Variants in RERE observed in about 807,000 individuals in gnomAD.
RERE encodes the protein arginine-glutamic acid dipeptide repeats protein.
RERE carries 40 observed loss-of-function variants against 146.1 expected under a neutral mutation model. That is an observed-to-expected ratio of 0.27 (90% CI 0.21 to 0.36). The LOEUF (loss-of-function observed/expected upper bound fraction) is 0.36, where lower values mean the gene tolerates loss of function less well. Ranked by LOEUF, RERE falls within the 10% of genes least tolerant of loss-of-function variation. The pLI, the probability that RERE is intolerant of heterozygous loss-of-function variation, is 1.00. For synonymous variants in RERE, 1,003 were observed against 866.0 expected (o/e 1.16, Z -2.78); for missense variants, 1,933 against 2,138.7 (o/e 0.90, Z 1.90).
At chr1:8,379,715 G>A (rs1642379247) in intron 12 of RERE, among the ~76,000 whole-genome samples, 1 of 152,168 alleles carries the variant, frequency 6.6e-6, no homozygotes, top group African/African-American at 2.4e-5. Context: ...GGCACGCGGG[G>A]GTCACTGTCT....
At chr1:8,639,958 T>A (rs994171125) in intron 2 of RERE, among the ~76,000 whole-genome samples, 2 of 152,050 alleles carry the variant, frequency 1.3e-5, no homozygotes, top group African/African-American at 4.8e-5. Flanking sequence ...GCTTTACAAA[T>A]AGAGCCCAAA....
chr1:8,738,334 G>A lies in RERE; in HGVS notation c.-145+78826C>T, dbSNP rs1042387354. Among the ~76,000 whole-genome samples the A allele has an allele frequency of 9.2e-5, 14 of 151,946 alleles. No individual in the cohort carries two copies. The East Asian group carries it at 1.4e-3, about 15-fold the overall frequency. ...GTCTCGCTCTGTCACTCAGGCTGGA[G>A]TGCAGTGGTGTGAACTTGGCTCACT... On this transcript the variant is annotated intron_variant, in intron 1 of 22. Coordinates refer to ENST00000400908, the MANE Select transcript of RERE (RefSeq NM_001042681.2).
intron 7 of RERE, among the ~76,000 whole-genome samples, chr1:8,511,496 C>A (rs879585842): frequency 4.6e-5 from 7 of 152,140 alleles, no homozygotes; most frequent in African/African-American, 1.7e-4. Flanking sequence ...TGGCATTAGC[C>A]TACTATATGC....
intron 12 of RERE, among the ~76,000 whole-genome samples, chr1:8,368,666 A>G (rs144667432): frequency 0.016 from 2,430 of 152,302 alleles, 34 homozygotes; most frequent in Non-Finnish European, 0.027. Context: ...GCATTTGTCT[A>G]TAATGCAATA....
intron 1 of RERE, among the ~76,000 whole-genome samples, chr1:8,706,221 A>G (rs760595420): frequency 1.8e-4 from 27 of 152,020 alleles, no homozygotes; most frequent in Non-Finnish European, 3.8e-4. Flanking sequence ...CAGGAGGCTG[A>G]GACAGGAGGA....
chr1:8,522,167 CT>C (rs1645510402), intron 7 of RERE, among the ~76,000 whole-genome samples: 1 of 152,194 alleles, frequency 6.6e-6, no homozygotes, highest in African/African-American at 2.4e-5. Flanking sequence ...AGGCATGCCC[CT>C]ATCAGAAACT....
At chr1:8,799,183 G>A (rs1430477467) in intron 1 of RERE, 1 of 151,866 alleles carries the variant, frequency 6.6e-6, no homozygotes. Flanking sequence ...TAGTAAAGAT[G>A]AGGTTTCACC....
At chr1:8,724,525 T>C (rs1352273289) in intron 1 of RERE, among the ~76,000 whole-genome samples, 1 of 152,178 alleles carries the variant, frequency 6.6e-6, no homozygotes, top group Non-Finnish European at 1.5e-5. Context: ...TTAGTTACTT[T>C]CTCTACATAT....
chr1:8,691,725 C>T (rs1015404017), intron 1 of RERE, among the ~76,000 whole-genome samples: 4 of 152,172 alleles, frequency 2.6e-5, no homozygotes, highest in Non-Finnish European at 5.9e-5. Flanking sequence ...AACTACATAA[C>T]CATCAGGAGA....
rs185333896 is a variant in RERE, at chr1:8,757,075, A to G, written c.-145+60085T>C. ...ATTGCACTCCAACCTGGGCAACAAG[A>G]GCAAAACTCCATCTCAAAAAAAAAA... On this transcript the variant is annotated intron_variant, in intron 1 of 22. Coordinates refer to ENST00000400908, the MANE Select transcript of RERE (RefSeq NM_001042681.2). 7.5e-3 allele frequency among the ~76,000 whole-genome samples: 1,088 copies of G among 145,886 alleles called. 19 individuals are homozygous for G. The highest frequency in any genetic ancestry group is 0.041 in the Admixed American group (568 of 13,924).
rs58993452 is a variant in RERE at position 8,789,282 on chromosome 1, CAAAAAA to C, written c.-145+27872_-145+27877del. Among the ~76,000 whole-genome samples, 28 of 38,494 alleles carry C rather than the reference CAAAAAA, an allele frequency of 7.3e-4. 1 individual carries two copies. The highest frequency in any genetic ancestry group is 3.5e-3 in the African/African-American group (19 of 5,398). The allele number at this position is 38,494 out of a possible 152,430, so 25.3% of individuals were successfully genotyped here. A position where few individuals can be genotyped will look rare whatever the true frequency, so the allele number is the denominator to read the frequency against. The stretch of plus-strand genomic sequence containing the variant: ...CAACACAGCAAGACCTCCTCTCTAC[CAAAAAA>C]AAAAAAAAAAAAAATATATATATAT... On this transcript the variant is annotated intron_variant, in intron 1 of 22. Coordinates refer to ENST00000400908, the MANE Select transcript of RERE (RefSeq NM_001042681.2).
intron 4 of RERE, among the ~76,000 whole-genome samples, chr1:8,560,921 T>TA (rs1444516807): frequency 6.6e-6 from 1 of 152,216 alleles, no homozygotes; most frequent in Admixed American, 6.5e-5. Flanking sequence ...AACAATCTTT[T>TA]AAAATCTACC....
chr1:8,409,403 G>A (rs1643549800), intron 12 of RERE, among the ~76,000 whole-genome samples: 1 of 152,214 alleles, frequency 6.6e-6, no homozygotes, highest in South Asian at 2.1e-4. Context: ...AAGGAGAACT[G>A]TCCACACTTC....
intron 1 of RERE, among the ~76,000 whole-genome samples, chr1:8,674,946 G>A (rs1226172507): frequency 6.6e-6 from 1 of 152,134 alleles, no homozygotes. Flanking sequence ...ATGCAACCTG[G>A]GAGGCTGAAA....
intron 1 of RERE, among the ~76,000 whole-genome samples, chr1:8,748,758 C>CT (rs1480286564): frequency 6.6e-6 from 1 of 152,206 alleles, no homozygotes; most frequent in African/African-American, 2.4e-5. Context: ...AAGGTGTGGA[C>CT]TTTAAGCATT....
intron 10 of RERE, among the ~76,000 whole-genome samples, chr1:8,491,514 G>A (rs986926549): frequency 5.3e-5 from 8 of 151,782 alleles, no homozygotes; most frequent in Admixed American, 6.6e-5. Flanking sequence ...AGCTACTCTG[G>A]AGGCTGAGGT....
chr1:8,481,114 C>G (rs1644828337), intron 10 of RERE, among the ~76,000 whole-genome samples: 1 of 152,144 alleles, frequency 6.6e-6, no homozygotes, highest in Admixed American at 6.5e-5. Flanking sequence ...TACAGATTAA[C>G]CAGACATTTC....
chr1:8,787,329 A>C (rs1323850888), intron 1 of RERE, among the ~76,000 whole-genome samples: 1 of 151,964 alleles, frequency 6.6e-6, no homozygotes, highest in Non-Finnish European at 1.5e-5. Context: ...ACCTACTTAA[A>C]ATGGTACCAT....
At chr1:8,473,196 G>C (rs1644711331) in intron 10 of RERE, among the ~76,000 whole-genome samples, 1 of 152,114 alleles carries the variant, frequency 6.6e-6, no homozygotes, top group South Asian at 2.1e-4. Context: ...AAGAACAAAT[G>C]TGAGTGAACT....
Sources: gnomAD v4.1 joint callset for allele counts (sites outside exome capture counted in the v4.1 genomes callset) on GRCh38, gnomAD v4.1.1 for gene constraint, MANE v1.5 for transcripts, NCBI Gene and HGNC (gene_info 2026-07-23, HGNC 2026-07-21) for gene names.